KCNQ1: variants seen among roughly 807,000 people sequenced by gnomAD.
The protein encoded by KCNQ1 is potassium voltage-gated channel subfamily Q member 1.
KCNQ1 carries 49 observed loss-of-function variants against 72.4 expected under a neutral mutation model. That is an observed-to-expected ratio of 0.68 (90% CI 0.54 to 0.86). The LOEUF is 0.86. Ranked by LOEUF, KCNQ1 falls within the 40% of genes least tolerant of loss-of-function variation. The probability of loss-of-function intolerance (pLI) is 0.00; values close to 1 mark genes in which losing one functional copy is unlikely to be tolerated. For synonymous variants in KCNQ1, 450 were observed against 412.6 expected, an observed-to-expected ratio of 1.09 and a Z score of -1.10; for missense variants, 790 against 945.1, an observed-to-expected ratio of 0.84 and a Z score of 2.15.
chr11:2,698,310 C>A lies in KCNQ1; in HGVS notation c.1514+36229C>A. 1 of 398,590 alleles carries A rather than the reference C, an allele frequency of 2.5e-6. No homozygotes were observed. Among genetic ancestry groups the A allele is most frequent in the Non-Finnish European group, 4.4e-6 (1 of 226,056 alleles). 24.7% of individuals were successfully genotyped at this position (398,590 alleles called of 1,614,324 possible). On this transcript the variant is annotated intron_variant, in intron 11 of 15. Transcript: ENST00000155840. The surrounding 1 kb of genome is among the most constrained non-coding windows in gnomAD (Gnocchi z 5.1). ...CTGGATGAATTATTCTCTTTCATAACCAGAACAGTGCTGTGGGAAGGCACT... is the reference window on the plus strand; with the variant it reads ...CTGGATGAATTATTCTCTTTCATAAACAGAACAGTGCTGTGGGAAGGCACT...
intron 1 of KCNQ1, among the ~76,000 whole-genome samples, chr11:2,520,667 A>C (rs980397673): frequency 9.9e-5 from 15 of 152,184 alleles, no homozygotes; most frequent in African/African-American, 3.6e-4. Context: ...CGGCAGCCAC[A>C]TCAGGGATGG....
chr11:2,591,067 C>G (rs1337297630), intron 10 of KCNQ1, among the ~76,000 whole-genome samples: 1 of 152,258 alleles, frequency 6.6e-6, no homozygotes, highest in African/African-American at 2.4e-5. Context: ...TTCCCAGTGC[C>G]TGGGACTAAC....
chr11:2,714,761 T>C (rs1851061651), intron 11 of KCNQ1, among the ~76,000 whole-genome samples: 1 of 152,026 alleles, frequency 6.6e-6, no homozygotes, highest in Admixed American at 6.6e-5. Flanking sequence ...TAGGAGAGCA[T>C]CTTGAGGGTG....
chr11:2,674,327 C>G lies in KCNQ1; in HGVS notation c.1514+12246C>G. 2.5e-6 allele frequency: 1 copy of G among 398,676 alleles called. No individual in the cohort carries two copies. The highest frequency in any genetic ancestry group is 4.4e-6 in the Non-Finnish European group (1 of 226,138). 24.7% of individuals were successfully genotyped at this position (398,676 alleles called of 1,614,324 possible). A position where few individuals can be genotyped will look rare whatever the true frequency, so the allele number is the denominator to read the frequency against. ...CGTAGAGCTGGAGGCCAAGGACACCCTCTGGAAATCTGAATTCCATTCGCT... is the reference window on the plus strand; with the variant it reads ...CGTAGAGCTGGAGGCCAAGGACACCGTCTGGAAATCTGAATTCCATTCGCT... On this transcript the variant is annotated intron_variant, in intron 11 of 15. Coordinates refer to ENST00000155840, the MANE Select transcript of KCNQ1 (RefSeq NM_000218.3). This position sits in a 1 kb window ranked among gnomAD's most constrained non-coding sequence, Gnocchi z 5.9.
intron 10 of KCNQ1, chr11:2,619,088 G>A: frequency 2.5e-6 from 1 of 398,258 alleles, no homozygotes; most frequent in Non-Finnish European, 4.4e-6. Context: ...GAGTCTTCGG[G>A]GTTTTCTATA....
chr11:2,455,662 C>CAA (rs1846181929), intron 1 of KCNQ1, among the ~76,000 whole-genome samples: 1 of 152,214 alleles, frequency 6.6e-6, no homozygotes, highest in African/African-American at 2.4e-5. Context: ...AGATTCAATG[C>CAA]TATTCCTATC....
At chr11:2,572,355 C>T (rs757051716) in intron 5 of KCNQ1, among the ~76,000 whole-genome samples, 19 of 152,202 alleles carry the variant, frequency 1.2e-4, no homozygotes, top group Non-Finnish European at 2.5e-4. Context: ...GCTCACCTTC[C>T]TCTGAGCTGG....
intron 2 of KCNQ1, among the ~76,000 whole-genome samples, chr11:2,540,951 C>G (rs1045139316): frequency 6.6e-6 from 1 of 152,216 alleles, no homozygotes; most frequent in Non-Finnish European, 1.5e-5. Context: ...AGCCCAGATG[C>G]CTTATGGAGA....
chr11:2,485,712 G>C (rs1230440052), intron 1 of KCNQ1, among the ~76,000 whole-genome samples: 1 of 151,902 alleles, frequency 6.6e-6, no homozygotes, highest in Non-Finnish European at 1.5e-5. Context: ...CCCAGCCCCT[G>C]GCACCTACCA....
intron 2 of KCNQ1, among the ~76,000 whole-genome samples, chr11:2,531,354 C>G (rs1403827101): frequency 1.5e-4 from 23 of 152,158 alleles, no homozygotes; most frequent in Non-Finnish European, 2.9e-5. Context: ...ACCAGCAGCA[C>G]CCCAAGGCCC....
chr11:2,679,024 C>T lies in KCNQ1; in HGVS notation c.1514+16943C>T, dbSNP rs960049938. 2.0e-5 allele frequency: 8 copies of T among 398,520 alleles called. No individual in the cohort carries two copies. The highest frequency in any genetic ancestry group is 3.1e-5 in the Non-Finnish European group (7 of 226,076). 24.7% of individuals were successfully genotyped at this position (398,520 alleles called of 1,614,324 possible). ...CCGCAATAAGAAACATAATCTAAAACTTGTAGCCCAGCCCCTCCTCCATAC... is the reference window on the plus strand; with the variant it reads ...CCGCAATAAGAAACATAATCTAAAATTTGTAGCCCAGCCCCTCCTCCATAC... On this transcript the variant is annotated intron_variant, in intron 11 of 15. Transcript: ENST00000155840. The surrounding 1 kb of genome is among the most constrained non-coding windows in gnomAD (Gnocchi z 4.8).
intron 15 of KCNQ1, among the ~76,000 whole-genome samples, chr11:2,814,855 A>G (rs7480855): frequency 0.11 from 17,208 of 151,954 alleles, 1,537 homozygotes; most frequent in East Asian, 0.39. Flanking sequence ...TTGACTCTGG[A>G]CTCTTCCATG....
intron 15 of KCNQ1, among the ~76,000 whole-genome samples, chr11:2,835,803 A>G (rs1005682624): frequency 1.3e-5 from 2 of 152,158 alleles, no homozygotes; most frequent in African/African-American, 4.8e-5. Context: ...AGCCTTCCTC[A>G]TGGAGGCGGC....
At chr11:2,751,466 CCT>C (rs926993838) in intron 11 of KCNQ1, among the ~76,000 whole-genome samples, 2 of 152,244 alleles carry the variant, frequency 1.3e-5, no homozygotes, top group East Asian at 3.8e-4. Flanking sequence ...CCCAGGAAAC[CCT>C]CTCTCCTGAC....
Position 2,824,765 on chromosome 11 carries a change from A to G in KCNQ1, c.1795-23002A>G, listed in dbSNP as rs564426302. Among the ~76,000 whole-genome samples the G allele has an allele frequency of 6.9e-6, 1 of 145,318 alleles. No homozygotes were observed. Among genetic ancestry groups the G allele is most frequent in the African/African-American group, 2.4e-5 (1 of 40,894 alleles). ...AGAGGCCCCCGGGACAGCTTTGAGGAAGGAACGTCCCCTGGGTTCCACACC... is the reference window on the plus strand; with the variant it reads ...AGAGGCCCCCGGGACAGCTTTGAGGGAGGAACGTCCCCTGGGTTCCACACC... On this transcript the variant is annotated intron_variant, in intron 15 of 15. Transcript: ENST00000155840. This position sits in a 1 kb window ranked among gnomAD's most constrained non-coding sequence, Gnocchi z 5.9.
At chr11:2,835,310 A>G (rs1314863561) in intron 15 of KCNQ1, among the ~76,000 whole-genome samples, 2 of 151,558 alleles carry the variant, frequency 1.3e-5, no homozygotes, top group Non-Finnish European at 2.9e-5. Flanking sequence ...AGTCTCTGCC[A>G]CCTCCCTGGG....
chr11:2,467,413 G>A (rs1481424781), intron 1 of KCNQ1, among the ~76,000 whole-genome samples: 1 of 152,136 alleles, frequency 6.6e-6, no homozygotes, highest in Admixed American at 6.5e-5. Context: ...ATGGTGTGGG[G>A]CCCTGGTCCC....
chr11:2,649,458 T>G (rs1849724539), intron 10 of KCNQ1: 1 of 398,452 alleles, frequency 2.5e-6, no homozygotes, highest in South Asian at 1.3e-4. Context: ...GCATTTCTTG[T>G]GGGGCTGATT....
chr11:2,530,253 T>A (rs771493744), intron 2 of KCNQ1, among the ~76,000 whole-genome samples: 1 of 152,218 alleles, frequency 6.6e-6, no homozygotes, highest in Non-Finnish European at 1.5e-5. Context: ...GACCTGGCTC[T>A]CAGATGAGCA....
Sources: allele counts gnomAD v4.1 joint callset (sites outside exome capture counted in the v4.1 genomes callset), GRCh38; gene constraint gnomAD v4.1.1; non-coding constraint Gnocchi (gnomAD v3.1); transcripts MANE v1.5; gene names NCBI Gene and HGNC (gene_info 2026-07-23, HGNC 2026-07-21).